The following SLC17A6 variants were observed in gnomAD, a reference collection of about 807,000 sequenced individuals.
The protein encoded by SLC17A6 is solute carrier family 17 member 6, also known as vesicular glutamate transporter 2.
In SLC17A6, 35 loss-of-function variants were observed where a neutral mutation model predicts 67.1. The ratio of observed to expected loss-of-function variants is 0.52; its 90% CI spans 0.40 to 0.69. SLC17A6 has a LOEUF of 0.69. SLC17A6 is among the 30% of genes least tolerant of loss of function. The pLI is 0.00. For missense variants in SLC17A6, 588 were observed against 723.9 expected (o/e 0.81, Z 2.15); for synonymous variants, 285 against 252.3 (o/e 1.13, Z -1.23).
intron 2 of SLC17A6, among the ~76,000 whole-genome samples, chr11:22,342,026 T>G (rs957720628): frequency 6.6e-5 from 10 of 152,262 alleles, no homozygotes; most frequent in African/African-American, 2.4e-4. Context: ...CACCAGGTTT[T>G]GTGAACTGTG....
intron 7 of SLC17A6, among the ~76,000 whole-genome samples, chr11:22,368,337 A>C (rs1211428955): frequency 6.6e-6 from 1 of 152,070 alleles, no homozygotes. Context: ...AACTTATTGC[A>C]AAGTCTTTTA....
intron 3 of SLC17A6, among the ~76,000 whole-genome samples, chr11:22,344,333 T>C (rs1564978573): frequency 6.6e-6 from 1 of 152,136 alleles, no homozygotes; most frequent in Non-Finnish European, 1.5e-5. Context: ...ATCTCCCTAA[T>C]AGTGGTCATA....
chr11:22,365,526 C>A (rs1481569865), intron 6 of SLC17A6, 21 bp from the exon 7 acceptor site: 1 of 1,613,558 alleles, frequency 6.2e-7, no homozygotes, highest in East Asian at 2.2e-5. Context: ...TGACTTTCTC[C>A]TTCTGAACTG....
chr11:22,374,438 T>C (rs1465003841), intron 8 of SLC17A6, among the ~76,000 whole-genome samples: 2 of 152,088 alleles, frequency 1.3e-5, no homozygotes, highest in Non-Finnish European at 2.9e-5. Context: ...ACTTTTCCTC[T>C]CTTTCACTAA....
At chr11:22,352,370 G>C (rs1855949841) in intron 3 of SLC17A6, among the ~76,000 whole-genome samples, 2 of 152,166 alleles carry the variant, frequency 1.3e-5, no homozygotes, top group African/African-American at 4.8e-5. Flanking sequence ...CAGCTTCCTA[G>C]AATTGATAGG....
At chr11:22,375,704 T>C (rs1008780234) in intron 9 of SLC17A6, among the ~76,000 whole-genome samples, 11 of 152,106 alleles carry the variant, frequency 7.2e-5, no homozygotes, top group Non-Finnish European at 5.9e-5. Flanking sequence ...GGCCTCGAAC[T>C]CCTGACCTAG....
At chr11:22,376,916 T>C (rs896699515) in intron 11 of SLC17A6, among the ~76,000 whole-genome samples, 4 of 152,166 alleles carry the variant, frequency 2.6e-5, no homozygotes, top group Non-Finnish European at 5.9e-5. Context: ...ATACCCCTGA[T>C]GTGATAAAAA....
intron 3 of SLC17A6, among the ~76,000 whole-genome samples, chr11:22,347,344 C>T (rs1394590720): frequency 6.6e-6 from 1 of 152,064 alleles, no homozygotes; most frequent in Non-Finnish European, 1.5e-5. Flanking sequence ...TGTGATTTAT[C>T]CCCTTTACAC....
chr11:22,373,148 GT>G (rs1472223575), intron 8 of SLC17A6, among the ~76,000 whole-genome samples: 1 of 152,124 alleles, frequency 6.6e-6, no homozygotes, highest in East Asian at 1.9e-4. Flanking sequence ...CAAAATGATT[GT>G]TCAAATAGAT....
chr11:22,353,785 T>G (rs1429856877), intron 3 of SLC17A6, among the ~76,000 whole-genome samples: 1 of 152,212 alleles, frequency 6.6e-6, no homozygotes, highest in East Asian at 1.9e-4. Flanking sequence ...TTGTTTCCAC[T>G]ATGTCCAACT....
intron 3 of SLC17A6, among the ~76,000 whole-genome samples, chr11:22,358,171 G>A (rs751569991): frequency 1.3e-5 from 2 of 151,578 alleles, no homozygotes; most frequent in Non-Finnish European, 3.0e-5. Flanking sequence ...TTTAAGGCTC[G>A]TGTTTGGCTT....
intron 3 of SLC17A6, among the ~76,000 whole-genome samples, chr11:22,356,131 A>G (rs1855990905): frequency 6.6e-6 from 1 of 152,208 alleles, no homozygotes; most frequent in Non-Finnish European, 1.5e-5. Context: ...TATTTATAAA[A>G]TGAGAGGAAA....
At position 22,378,655 on chromosome 11, in the gene SLC17A6, A is replaced by C. The variant is rs1490768609; in HGVS notation, c.*915A>C. ...GCAATATTAAGAACAAAGAAATAGA[A>C]AATGGTTTAGATATCTTTCTTCCTT... is the stretch of plus-strand genomic sequence containing the variant. On this transcript the variant is annotated 3_prime_UTR_variant, in exon 12 of 12. Coordinates refer to ENST00000263160, the MANE Select transcript of SLC17A6 (RefSeq NM_020346.3). The C allele has an allele frequency of 6.6e-6, 1 of 152,492 alleles. No individual in the cohort carries two copies. The highest frequency in any genetic ancestry group is 1.5e-5 in the Non-Finnish European group (1 of 67,962). 9.4% of individuals were successfully genotyped at this position (152,492 alleles called of 1,614,324 possible).
chr11:22,347,411 G>T (rs569739095), intron 3 of SLC17A6, among the ~76,000 whole-genome samples: 1 of 151,962 alleles, frequency 6.6e-6, no homozygotes, highest in Non-Finnish European at 1.5e-5. Flanking sequence ...CATGTGGGTC[G>T]TAACAGCTAA....
chr11:22,368,459 C>A (rs567333476), intron 7 of SLC17A6, among the ~76,000 whole-genome samples: 114 of 152,002 alleles, frequency 7.5e-4, no homozygotes, highest in East Asian at 4.8e-3. Flanking sequence ...ACAGGGAGTT[C>A]AATAAATAGA....
At chr11:22,350,838 T>TA in intron 3 of SLC17A6, among the ~76,000 whole-genome samples, 1 of 152,098 alleles carries the variant, frequency 6.6e-6, no homozygotes, top group Non-Finnish European at 1.5e-5. Flanking sequence ...CAGCTATATA[T>TA]ATATGTGACT....
intron 7 of SLC17A6, among the ~76,000 whole-genome samples, chr11:22,367,129 A>G (rs1411750264): frequency 6.6e-6 from 1 of 152,068 alleles, no homozygotes; most frequent in African/African-American, 2.4e-5. Flanking sequence ...GGTGTCATAC[A>G]CTAGTTGAAG....
chr11:22,343,313 A>T lies in SLC17A6; in HGVS notation c.406A>T (p.Ile136Phe), dbSNP rs779921521. 1.2e-6 allele frequency: 2 copies of T among 1,612,624 alleles called. No homozygotes were observed. Among genetic ancestry groups the T allele is most frequent in the African/African-American group, 1.3e-5 (1 of 74,768 alleles). The change falls in exon 3 of 12, where the codon ATC becomes TTC. Residue 136 changes from isoleucine (I) to phenylalanine (F), a missense_variant. Physicochemically the swap from Ile to Phe is conservative, Grantham distance 21. This residue lies in a region of SLC17A6 where 414 missense variants were observed against 563.4 expected (regional missense o/e 0.73). Coordinates refer to ENST00000263160, the MANE Select transcript of SLC17A6 (RefSeq NM_020346.3). ...MIHGSFFWGY[I>F]ITQIPGGYIA... Reference sequence around the variant, plus strand: ...CCACGGTTCCTTCTTTTGGGGCTACATCATCACTCAGATTCCGGGAGGCTA... The same window carrying T: ...CCACGGTTCCTTCTTTTGGGGCTACTTCATCACTCAGATTCCGGGAGGCTA...
chr11:22,353,871 C>A (rs1348335007), intron 3 of SLC17A6, among the ~76,000 whole-genome samples: 2 of 152,092 alleles, frequency 1.3e-5, no homozygotes, highest in African/African-American at 2.4e-5. Context: ...GGGGGAATAT[C>A]TGGCATGGTA....
Sources: gnomAD v4.1 joint callset for allele counts (sites outside exome capture counted in the v4.1 genomes callset) on GRCh38, gnomAD v4.1.1 for gene constraint, gnomAD v4.1.1 regional missense constraint, MANE v1.5 for transcripts, NCBI Gene and HGNC (gene_info 2026-07-23, HGNC 2026-07-21) for gene names.